PCNX2: variants seen among roughly 807,000 people sequenced by gnomAD.
The protein encoded by PCNX2 is pecanex 2.
PCNX2 carries 168 observed loss-of-function variants against 223.8 expected under a neutral mutation model. The ratio of observed to expected loss-of-function variants is 0.75; its 90% CI spans 0.66 to 0.85. PCNX2 has a LOEUF of 0.85. PCNX2 is among the 40% of genes least tolerant of loss of function. The pLI is 0.00. For synonymous variants in PCNX2, 1,006 were observed against 1,052.6 expected (o/e 0.96, Z 0.86); for missense variants, 2,507 against 2,675.5 (o/e 0.94, Z 1.39).
intron 25 of PCNX2, among the ~76,000 whole-genome samples, chr1:233,035,022 T>C (rs1345918045): frequency 6.6e-6 from 1 of 152,040 alleles, no homozygotes; most frequent in Non-Finnish European, 1.5e-5. Flanking sequence ...ACAGTCTCAT[T>C]TCAGGGACAA....
chr1:233,185,084 AACACACACACACACACACACACACACAC>A (rs60719299), intron 15 of PCNX2, among the ~76,000 whole-genome samples: 1 of 141,718 alleles, frequency 7.1e-6, no homozygotes, highest in East Asian at 2.1e-4. Flanking sequence ...TACATACATA[AACACACACACACACACACACACACACAC>A]ACACACACAC....
intron 1 of PCNX2, among the ~76,000 whole-genome samples, chr1:233,271,223 T>A (rs116605772): frequency 0.012 from 1,839 of 152,322 alleles, 43 homozygotes; most frequent in African/African-American, 0.042. Context: ...CCATGTCACA[T>A]GTCTCCTAAT....
upstream of PCNX2, among the ~76,000 whole-genome samples, chr1:233,296,488 C>T (rs1662133676): frequency 6.6e-6 from 1 of 151,996 alleles, no homozygotes; most frequent in African/African-American, 2.4e-5. Context: ...CAGGAAGACC[C>T]ACTGGACAAA....
intron 19 of PCNX2, among the ~76,000 whole-genome samples, chr1:233,151,990 TC>T (rs1237866872): frequency 6.6e-6 from 1 of 152,170 alleles, no homozygotes; most frequent in African/African-American, 2.4e-5. Flanking sequence ...CTTTTCTTTT[TC>T]CTCCCGCTGC....
chr1:233,248,177 C>G (rs750764572), intron 8 of PCNX2, among the ~76,000 whole-genome samples: 11 of 152,074 alleles, frequency 7.2e-5, no homozygotes, highest in Non-Finnish European at 1.3e-4. Flanking sequence ...AATTCAGTTG[C>G]CTTTTCACCA....
At chr1:233,166,973 C>T (rs1187844230) in intron 17 of PCNX2, among the ~76,000 whole-genome samples, 2 of 152,018 alleles carry the variant, frequency 1.3e-5, no homozygotes, top group South Asian at 4.1e-4. Context: ...GGGAACCCAT[C>T]TCTATATTTA....
chr1:233,148,109 A>T (rs1365817616), intron 19 of PCNX2, among the ~76,000 whole-genome samples: 1 of 152,164 alleles, frequency 6.6e-6, no homozygotes, highest in African/African-American at 2.4e-5. Flanking sequence ...AAAAACTACC[A>T]CTGCTTTCCA....
At chr1:233,211,082 G>A (rs1395957167) in intron 12 of PCNX2, among the ~76,000 whole-genome samples, 18 of 152,226 alleles carry the variant, frequency 1.2e-4, no homozygotes, top group Admixed American at 1.0e-3. Flanking sequence ...TGCTTCGAAT[G>A]TTCTGTTGTT....
chr1:233,249,803 T>G (rs562265208), intron 8 of PCNX2, among the ~76,000 whole-genome samples: 52 of 152,310 alleles, frequency 3.4e-4, no homozygotes, highest in African/African-American at 1.2e-3. Context: ...GAAACAGTAG[T>G]GGCTTTAAAG....
rs375559983 is a variant in PCNX2, at chr1:233,000,393, A to G, written c.5240T>C (p.Leu1747Pro). 1 of 1,612,324 alleles carries G rather than the reference A, an allele frequency of 6.2e-7. No individual in the cohort carries two copies. Among genetic ancestry groups the G allele is most frequent in the African/African-American group, 1.3e-5 (1 of 74,902 alleles). ...GAVLSNKEELLTLRHVVDEGA... is the reference protein window; with the variant it reads ...GAVLSNKEELPTLRHVVDEGA... ...CTCGTCCACCACGTGCCGCAGGGTG[A>G]GCAGCTCTTCCTTGTTGGACAGCAC... Residue 1747 changes from leucine (L) to proline (P), a missense_variant, in exon 30 of 34, where the codon CTC becomes CCC. By Grantham distance (98) the Leu-to-Pro change is moderately conservative. Coordinates refer to ENST00000258229, the MANE Select transcript of PCNX2 (RefSeq NM_014801.4). This position sits in a 1 kb window ranked among gnomAD's most constrained non-coding sequence, Gnocchi z 4.6.
intron 13 of PCNX2, among the ~76,000 whole-genome samples, chr1:233,207,080 A>G (rs1216818232): frequency 6.6e-6 from 1 of 151,804 alleles, no homozygotes; most frequent in Non-Finnish European, 1.5e-5. Context: ...ACAGGAAAAG[A>G]TGTGTTGAGG....
At chr1:233,102,738 A>T (rs1425395859) in intron 21 of PCNX2, among the ~76,000 whole-genome samples, 1 of 152,022 alleles carries the variant, frequency 6.6e-6, no homozygotes, top group African/African-American at 2.4e-5. Flanking sequence ...TAGTTGTTTG[A>T]GTTCCTAATA....
At chr1:233,274,468 G>A (rs994789649) in intron 1 of PCNX2, among the ~76,000 whole-genome samples, 6 of 152,104 alleles carry the variant, frequency 3.9e-5, no homozygotes, top group African/African-American at 1.2e-4. Flanking sequence ...GCTCAAAAAC[G>A]CATTAAAGTG....
At chr1:232,984,670 G>T in intron 33 of PCNX2, 193 bp from the exon 34 acceptor site, 1 of 565,642 alleles carries the variant, frequency 1.8e-6, no homozygotes, top group African/African-American at 1.9e-5. Context: ...GGCAACTGAA[G>T]CAGCATCTGA....
chr1:233,247,333 C>T (rs1385068736), intron 8 of PCNX2, among the ~76,000 whole-genome samples: 1 of 152,170 alleles, frequency 6.6e-6, no homozygotes, highest in African/African-American at 2.4e-5. Context: ...ATAACAAAGT[C>T]CCCTCTATTT....
intron 5 of PCNX2, among the ~76,000 whole-genome samples, chr1:233,256,351 T>C (rs1659734373): frequency 6.6e-6 from 1 of 152,210 alleles, no homozygotes; most frequent in Admixed American, 6.5e-5. Flanking sequence ...TCCTGCTCTG[T>C]AGAAGAAACT....
chr1:233,139,921 A>T lies in PCNX2; in HGVS notation c.3518-66T>A. The T allele has an allele frequency of 6.5e-7, 1 of 1,529,672 alleles. No individual in the cohort carries two copies. Among genetic ancestry groups the T allele is most frequent in the Non-Finnish European group, 8.8e-7 (1 of 1,130,856 alleles). The allele number at this position is 1,529,672 out of a possible 1,614,324, so 94.8% of individuals were successfully genotyped here. The stretch of plus-strand genomic sequence containing the variant: ...AAAGTATTTTTCTTTAAGTACAGGT[A>T]ATAATAAGTAATATTCCCCCCCTTT... On this transcript the variant is annotated intron_variant, in intron 19 of 33. Transcript: ENST00000258229. The surrounding 1 kb of genome is among the most constrained non-coding windows in gnomAD (Gnocchi z 4.4).
chr1:233,075,696 A>AACAC (rs369431993), intron 23 of PCNX2, among the ~76,000 whole-genome samples: 14,609 of 137,164 alleles, frequency 0.11, 802 homozygotes, highest in Middle Eastern at 0.12. Context: ...GTTAGCTTAA[A>AACAC]ACACACACAC....
intron 1 of PCNX2, among the ~76,000 whole-genome samples, chr1:233,267,688 T>C (rs1461364210): frequency 6.6e-6 from 1 of 152,226 alleles, no homozygotes; most frequent in Non-Finnish European, 1.5e-5. Context: ...CTGTAGCCTG[T>C]GTCAGAATTT....
Sources: allele counts gnomAD v4.1 joint callset (sites outside exome capture counted in the v4.1 genomes callset), GRCh38; gene constraint gnomAD v4.1.1; non-coding constraint Gnocchi (gnomAD v3.1); transcripts MANE v1.5; gene names NCBI Gene and HGNC (gene_info 2026-07-23, HGNC 2026-07-21).